The following UTP20 variants were observed in gnomAD, a reference collection of about 807,000 sequenced individuals.
The protein encoded by UTP20 is small subunit processome component 20 homolog.
In UTP20, 164 loss-of-function variants were observed where a neutral mutation model predicts 329.5. The ratio of observed to expected loss-of-function variants is 0.50; its 90% CI spans 0.44 to 0.57. UTP20 has a LOEUF of 0.57. Ranked by LOEUF, UTP20 falls within the 20% of genes least tolerant of loss-of-function variation. The probability of loss-of-function intolerance (pLI) is 0.00; values close to 1 mark genes in which losing one functional copy is unlikely to be tolerated. For missense variants in UTP20, 3,055 were observed against 3,284.2 expected (o/e 0.93, Z 1.71); for synonymous variants, 1,151 against 1,159.3 (o/e 0.99, Z 0.14).
chr12:101,301,433 C>T (rs950809801), intron 14 of UTP20, among the ~76,000 whole-genome samples: 3 of 152,168 alleles, frequency 2.0e-5, no homozygotes, highest in South Asian at 2.1e-4. Flanking sequence ...TTTGCGAGGC[C>T]GAAGTGAGTG....
At position 101,322,800 on chromosome 12, in the gene UTP20, A is replaced by C. The variant is rs747375457; in HGVS notation, c.3041+1171A>C. Among the ~76,000 whole-genome samples, 4 of 152,344 alleles carry C rather than the reference A, an allele frequency of 2.6e-5. No individual in the cohort carries two copies. In the South Asian group the frequency reaches 8.3e-4, roughly 32 times the overall value. ...CTTTAAGAACTTTACTATAATAGAC[A>C]TAAAAATATTTGAGGGAGTGAATAA... On this transcript the variant is annotated intron_variant, in intron 25 of 61. Coordinates refer to ENST00000261637, the MANE Select transcript of UTP20 (RefSeq NM_014503.3).
At chr12:101,359,621 A>T (rs1869848366) in intron 43 of UTP20, among the ~76,000 whole-genome samples, 2 of 151,886 alleles carry the variant, frequency 1.3e-5, no homozygotes, top group Non-Finnish European at 2.9e-5. Flanking sequence ...GAGCTCATCC[A>T]ATGAGTTTCT....
rs1455801631 is a variant in UTP20 at position 101,320,967 on chromosome 12, A to G, written c.2915+30A>G. 5.8e-6 allele frequency: 9 copies of G among 1,557,330 alleles called. No homozygotes were observed. The East Asian group carries it at 1.6e-4, about 28-fold the overall frequency. On this transcript the variant is annotated intron_variant, in intron 24 of 61. Coordinates refer to ENST00000261637, the MANE Select transcript of UTP20 (RefSeq NM_014503.3). ...GTTACTTGAAGCTTAAAGAACTGTT[A>G]TTTCTTCAGCTGATTTTTATATTTC...
chr12:101,379,423 A>T lies in UTP20; in HGVS notation c.7449A>T (p.Ala2483=). Residue 2483 remains alanine (A), a synonymous_variant, in exon 57 of 62, where the codon GCA becomes GCT. Transcript: ENST00000261637. ...RHPHNWVWLT[A]AQIFGLLFAS... ...CACACAACTGGGTGTGGCTCACAGC[A>T]GCCCAGATTTTTGGATTACTCTTTG... is the stretch of plus-strand genomic sequence containing the variant. 6.2e-7 allele frequency: 1 copy of T among 1,614,130 alleles called. No homozygotes were observed. The highest frequency in any genetic ancestry group is 8.5e-7 in the Non-Finnish European group (1 of 1,179,978).
chr12:101,384,027 CTT>C (rs75732070), intron 60 of UTP20, among the ~76,000 whole-genome samples: 28,723 of 151,580 alleles, frequency 0.19, 3,120 homozygotes, highest in East Asian at 0.37. Context: ...AAAAAGAAAA[CTT>C]ATATCAAGAT....
chr12:101,309,145 TC>T (rs1872714966), intron 18 of UTP20, among the ~76,000 whole-genome samples: 1 of 152,214 alleles, frequency 6.6e-6, no homozygotes, highest in African/African-American at 2.4e-5. Flanking sequence ...TCAGAGCAGT[TC>T]TTCTCTTACC....
chr12:101,302,354 C>T, intron 14 of UTP20, 94 bp from the exon 15 acceptor site: 1 of 721,102 alleles, frequency 1.4e-6, no homozygotes, highest in Non-Finnish European at 2.3e-6. Flanking sequence ...TAAGAACTTC[C>T]CATAAGTAGC....
At chr12:101,370,329 T>G (rs1593452705) in intron 49 of UTP20, 103 bp from the exon 50 acceptor site, 1 of 1,365,168 alleles carries the variant, frequency 7.3e-7, no homozygotes, top group East Asian at 2.4e-5. Flanking sequence ...GCTGGCACCC[T>G]GTTTGGAAAA....
intron 27 of UTP20, among the ~76,000 whole-genome samples, chr12:101,329,655 A>G (rs996837874): frequency 3.9e-5 from 6 of 152,210 alleles, no homozygotes; most frequent in Non-Finnish European, 8.8e-5. Flanking sequence ...GCATACAAAG[A>G]AGGAGGAAAA....
At chr12:101,375,600 G>C in intron 55 of UTP20, 24 bp from the exon 56 acceptor site, 1 of 1,606,460 alleles carries the variant, frequency 6.2e-7, no homozygotes, top group South Asian at 1.1e-5. Context: ...TGTTTTCATT[G>C]ATTTACATCC....
rs770272815 is a variant in UTP20 at position 101,373,383 on chromosome 12, C to G, written c.6879-18C>G. 8.7e-6 allele frequency: 14 copies of G among 1,609,550 alleles called. No homozygotes were observed. The highest frequency in any genetic ancestry group is 1.3e-5 in the African/African-American group (1 of 74,822). On this transcript the variant is annotated intron_variant, in intron 52 of 61. Coordinates refer to ENST00000261637, the MANE Select transcript of UTP20 (RefSeq NM_014503.3). ...ATTTAGAAGATACTAACAAATCCAC[C>G]TAATGTCCTTCCCCTAGTTACGAAC...
rs373208716 is a variant in UTP20, at chr12:101,353,115, T to C, written c.5093T>C (p.Ile1698Thr). The C allele has an allele frequency of 6.0e-5, 95 of 1,596,556 alleles. No homozygotes were observed. Among genetic ancestry groups the C allele is most frequent in the African/African-American group, 4.5e-4 (34 of 74,780 alleles). Residue 1698 changes from isoleucine (I) to threonine (T), a missense_variant, in exon 40 of 62, where the codon ATT becomes ACT. Ile to Thr is a moderately conservative substitution (Grantham distance 89). Around this residue, in one of 3 missense-constraint regions of UTP20, gnomAD observed 2,445 missense variants for 2,575.5 expected, o/e 0.95. Transcript: ENST00000261637. Reference sequence around the variant, plus strand: ...ACTCTTGAAGAACAAATGGGAAAAATTGAGAATGAAGAAAGTAAGTTTCTT... The same window carrying C: ...ACTCTTGAAGAACAAATGGGAAAAACTGAGAATGAAGAAAGTAAGTTTCTT... ...HKTLEEQMGK[I>T]ENEENAIEAI...
At chr12:101,321,147 C>G (rs973744122) in intron 24 of UTP20, among the ~76,000 whole-genome samples, 1 of 152,004 alleles carries the variant, frequency 6.6e-6, no homozygotes, top group Non-Finnish European at 1.5e-5. Flanking sequence ...AATTTTAAAA[C>G]TGTGTTGTAA....
At chr12:101,340,642 C>A in intron 32 of UTP20, 32 bp downstream of exon 32, 1 of 1,415,250 alleles carries the variant, frequency 7.1e-7, no homozygotes, top group Non-Finnish European at 9.9e-7. Context: ...AACTTTGTCT[C>A]TAGAGTGGCA....
In UTP20 at chr12:101,294,872, C is replaced by T. The variant is rs1304969959; in HGVS notation, c.1252-608C>T. Among the ~76,000 whole-genome samples the T allele has an allele frequency of 2.0e-5, 3 of 152,136 alleles. No individual in the cohort carries two copies. In the East Asian group the frequency reaches 5.8e-4, roughly 29 times the overall value. On this transcript the variant is annotated intron_variant, in intron 11 of 61. Coordinates refer to ENST00000261637, the MANE Select transcript of UTP20 (RefSeq NM_014503.3). ...TTTTTCTTAGAGTTTATAATTGCCT[C>T]GTTCTTTAAAAACTGGAAATTGTTT...
chr12:101,282,044 G>C (rs115203631), intron 2 of UTP20, among the ~76,000 whole-genome samples: 1 of 152,048 alleles, frequency 6.6e-6, no homozygotes, highest in Non-Finnish European at 1.5e-5. Context: ...GCATCATGTC[G>C]TTATTCCTCC....
intron 14 of UTP20, among the ~76,000 whole-genome samples, chr12:101,300,941 G>A (rs1278642390): frequency 3.9e-5 from 6 of 152,134 alleles, no homozygotes; most frequent in Admixed American, 2.6e-4. Context: ...AGAGCCTAGA[G>A]CAGGGACTGG....
At chr12:101,326,460 T>G (rs1443267900) in intron 25 of UTP20, among the ~76,000 whole-genome samples, 1 of 152,154 alleles carries the variant, frequency 6.6e-6, no homozygotes, top group Non-Finnish European at 1.5e-5. Flanking sequence ...CTGTATTAGC[T>G]TTGTGTTTTC....
rs11110753 is a variant in UTP20 at position 101,335,427 on chromosome 12, A to G, written c.3641+923A>G. Among the ~76,000 whole-genome samples, 1,269 of 152,336 alleles carry G rather than the reference A, an allele frequency of 8.3e-3. 17 individuals are homozygous for G. The highest frequency in any genetic ancestry group is 0.029 in the African/African-American group (1,207 of 41,576). ...AAACAGAATGTGAAACACACCAGAT[A>G]GTTATATCATCACATAAATATTATC... On this transcript the variant is annotated intron_variant, in intron 29 of 61. Transcript: ENST00000261637.
Sources: gnomAD v4.1 joint callset for allele counts (sites outside exome capture counted in the v4.1 genomes callset) on GRCh38, gnomAD v4.1.1 for gene constraint, gnomAD v4.1.1 regional missense constraint, MANE v1.5 for transcripts, NCBI Gene and HGNC (gene_info 2026-07-23, HGNC 2026-07-21) for gene names.